MAGI2: variants seen among roughly 807,000 people sequenced by gnomAD.
The protein encoded by MAGI2 is membrane associated guanylate kinase, WW and PDZ domain containing 2.
Under a neutral mutation model 133.3 loss-of-function variants are expected in MAGI2, and 35 were observed. The ratio of observed to expected loss-of-function variants is 0.26; its 90% CI spans 0.20 to 0.35. MAGI2 has a LOEUF of 0.35. MAGI2 is among the 10% of genes least tolerant of loss of function. The pLI, the probability that MAGI2 is intolerant of heterozygous loss-of-function variation, is 1.00. For missense variants in MAGI2, 1,636 were observed against 1,863.4 expected (o/e 0.88, Z 2.25); for synonymous variants, 729 against 710.6 (o/e 1.03, Z -0.41).
chr7:79,183,619 C>T lies in MAGI2; in HGVS notation c.302-176413G>A, dbSNP rs192686668. 3.8e-4 allele frequency among the ~76,000 whole-genome samples: 58 copies of T among 151,738 alleles called. 1 individual carries two copies. Among genetic ancestry groups the T allele is most frequent in the South Asian group, 1.9e-3 (9 of 4,810 alleles). ...CCCAATATTCATTTGAAGAACCTGC[C>T]CATTATTATTTTTTAATTATGCAAA... On this transcript the variant is annotated intron_variant, in intron 1 of 21. Coordinates refer to ENST00000354212, the MANE Select transcript of MAGI2 (RefSeq NM_012301.4).
chr7:78,884,069 A>C (rs1372775483), intron 2 of MAGI2, among the ~76,000 whole-genome samples: 4 of 152,194 alleles, frequency 2.6e-5, no homozygotes, highest in Non-Finnish European at 5.9e-5. Flanking sequence ...TAAACAGACA[A>C]CTCAGAGAAT....
chr7:79,395,624 T>A (rs1471309028), intron 1 of MAGI2, among the ~76,000 whole-genome samples: 1 of 152,220 alleles, frequency 6.6e-6, no homozygotes, highest in African/African-American at 2.4e-5. Flanking sequence ...GTTTATGTTC[T>A]ACAATTCCAT....
chr7:78,697,868 T>C (rs1817675533), intron 2 of MAGI2, among the ~76,000 whole-genome samples: 3 of 152,172 alleles, frequency 2.0e-5, no homozygotes, highest in African/African-American at 4.8e-5. Flanking sequence ...CTCTGAGATA[T>C]ACTATAGTTA....
intron 9 of MAGI2, among the ~76,000 whole-genome samples, chr7:78,264,891 A>G (rs1379896307): frequency 1.3e-5 from 2 of 152,160 alleles, no homozygotes; most frequent in African/African-American, 4.8e-5. Context: ...TGATAAGCCT[A>G]TCGGGGCTTA....
At chr7:79,284,533 C>T (rs1056416759) in intron 1 of MAGI2, among the ~76,000 whole-genome samples, 1 of 152,156 alleles carries the variant, frequency 6.6e-6, no homozygotes, top group South Asian at 2.1e-4. Context: ...TCTTAGAATT[C>T]TCTTTCTCTA....
chr7:78,773,831 T>A (rs879004300), intron 2 of MAGI2, among the ~76,000 whole-genome samples: 1 of 152,218 alleles, frequency 6.6e-6, no homozygotes, highest in Non-Finnish European at 1.5e-5. Flanking sequence ...TCATCTGAGA[T>A]GTAATGGCAA....
intron 12 of MAGI2, among the ~76,000 whole-genome samples, chr7:78,188,303 G>A (rs541922859): frequency 3.9e-5 from 6 of 152,132 alleles, no homozygotes; most frequent in African/African-American, 9.6e-5. Context: ...CAGCTTAACC[G>A]GATTTACTGA....
chr7:78,190,666 A>C (rs1401074213), intron 12 of MAGI2, among the ~76,000 whole-genome samples: 1 of 152,188 alleles, frequency 6.6e-6, no homozygotes, highest in Non-Finnish European at 1.5e-5. Flanking sequence ...GCAGTCACAC[A>C]TAGAGAAAGA....
intron 1 of MAGI2, among the ~76,000 whole-genome samples, chr7:79,191,616 G>A (rs979739296): frequency 6.6e-6 from 1 of 150,454 alleles, no homozygotes; most frequent in East Asian, 2.0e-4. Flanking sequence ...TCTCAAATAT[G>A]TTGTGTTATT....
chr7:78,027,228 AAGC>A (rs1809017060), intron 21 of MAGI2, among the ~76,000 whole-genome samples: 3 of 152,226 alleles, frequency 2.0e-5, no homozygotes, highest in Non-Finnish European at 4.4e-5. Flanking sequence ...TGATTGTCAG[AAGC>A]AGGTCCATCG....
intron 1 of MAGI2, among the ~76,000 whole-genome samples, chr7:79,024,377 A>T (rs2116726653): frequency 6.6e-6 from 1 of 152,176 alleles, no homozygotes; most frequent in South Asian, 2.1e-4. Context: ...AACTATAAAA[A>T]CCCTGAATGA....
intron 1 of MAGI2, among the ~76,000 whole-genome samples, chr7:79,100,019 T>G (rs773054267): frequency 9.8e-5 from 15 of 152,340 alleles, no homozygotes; most frequent in Non-Finnish European, 1.9e-4. Flanking sequence ...AAGAATCTTA[T>G]AGTGTATGTG....
At chr7:78,105,606 T>C (rs1226282270) in intron 20 of MAGI2, among the ~76,000 whole-genome samples, 1 of 152,198 alleles carries the variant, frequency 6.6e-6, no homozygotes, top group Non-Finnish European at 1.5e-5. Flanking sequence ...TTCTAGTTAG[T>C]AATGAACATC....
In MAGI2 at chr7:78,739,964, C is replaced by A. The variant is rs542099879; in HGVS notation, c.419-112725G>T. 2.0e-5 allele frequency among the ~76,000 whole-genome samples: 3 copies of A among 152,208 alleles called. No homozygotes were observed. The East Asian group carries it at 5.8e-4, about 29-fold the overall frequency. On this transcript the variant is annotated intron_variant, in intron 2 of 21. Transcript: ENST00000354212. ...ACGACGTCAGGAGATCAAGACCATCCTGGCTAACACGGTGAAACCCCGTTT... is the reference window on the plus strand; with the variant it reads ...ACGACGTCAGGAGATCAAGACCATCATGGCTAACACGGTGAAACCCCGTTT...
intron 1 of MAGI2, among the ~76,000 whole-genome samples, chr7:79,433,795 T>C (rs1416942467): frequency 2.6e-5 from 4 of 151,828 alleles, no homozygotes; most frequent in African/African-American, 2.4e-5. Context: ...GATTCACACA[T>C]GAATAAAAAA....
intron 2 of MAGI2, among the ~76,000 whole-genome samples, chr7:78,888,226 G>A (rs1003559756): frequency 2.0e-5 from 3 of 152,212 alleles, no homozygotes; most frequent in African/African-American, 7.2e-5. Context: ...AAACAAAGCG[G>A]CCAGGAAGCT....
At chr7:78,404,356 G>T (rs866550203) in intron 6 of MAGI2, among the ~76,000 whole-genome samples, 39 of 152,240 alleles carry the variant, frequency 2.6e-4, no homozygotes, top group African/African-American at 9.1e-4. Context: ...AGCCTGCATT[G>T]CCAAGTCAAT....
Position 79,244,836 on chromosome 7 carries a change from T to G in MAGI2, c.301+208184A>C, listed in dbSNP as rs140460756. Among the ~76,000 whole-genome samples, 429 of 152,224 alleles carry G rather than the reference T, an allele frequency of 2.8e-3. 3 individuals carry two copies. Among genetic ancestry groups the G allele is most frequent in the African/African-American group, 9.9e-3 (412 of 41,518 alleles). On this transcript the variant is annotated intron_variant, in intron 1 of 21. Coordinates refer to ENST00000354212, the MANE Select transcript of MAGI2 (RefSeq NM_012301.4). ...AACCCCAGGCACCACAGCTTACAGC[T>G]CTGGGACAGACTCCTTCCTTTCACT... is the stretch of plus-strand genomic sequence containing the variant.
chr7:79,206,896 G>A (rs1399662446), intron 1 of MAGI2, among the ~76,000 whole-genome samples: 1 of 151,930 alleles, frequency 6.6e-6, no homozygotes, highest in Non-Finnish European at 1.5e-5. Flanking sequence ...TCAGGGAGAT[G>A]TAAGGATGGC....
Sources: allele counts gnomAD v4.1 joint callset (sites outside exome capture counted in the v4.1 genomes callset), GRCh38; gene constraint gnomAD v4.1.1; transcripts MANE v1.5; gene names NCBI Gene and HGNC (gene_info 2026-07-23, HGNC 2026-07-21).